The following ITGA1 variants were observed in gnomAD, a reference collection of about 807,000 sequenced individuals.
ITGA1 encodes integrin alpha-1.
In ITGA1, 85 loss-of-function variants were observed where a neutral mutation model predicts 145.9. The ratio of observed to expected loss-of-function variants is 0.58; its 90% CI spans 0.49 to 0.70. The LOEUF is 0.70. Ranked by LOEUF, ITGA1 falls within the 30% of genes least tolerant of loss-of-function variation. The probability of loss-of-function intolerance (pLI) is 0.00; values close to 1 mark genes in which losing one functional copy is unlikely to be tolerated. For missense variants in ITGA1, 1,351 were observed against 1,418.7 expected (o/e 0.95, Z 0.77); for synonymous variants, 520 against 495.3 (o/e 1.05, Z -0.66).
intron 1 of ITGA1, among the ~76,000 whole-genome samples, chr5:52,794,977 T>C (rs908581157): frequency 4.6e-5 from 7 of 152,014 alleles, no homozygotes. Context: ...TACCATTTTC[T>C]TACCTAAGCA....
chr5:52,900,638 C>A (rs1323944479), intron 11 of ITGA1, among the ~76,000 whole-genome samples: 3 of 152,118 alleles, frequency 2.0e-5, no homozygotes, highest in African/African-American at 7.2e-5. Context: ...AGACTTGAAG[C>A]AGTTATGGTA....
chr5:52,887,863 A>T lies in ITGA1; in HGVS notation c.822A>T (p.Lys274Asn). The T allele has an allele frequency of 3.1e-6, 5 of 1,614,098 alleles. No individual in the cohort carries two copies. Among genetic ancestry groups the T allele is most frequent in the Non-Finnish European group, 4.2e-6 (5 of 1,179,932 alleles). ...GGGGTGCCCGAAGAGGAGTTAAAAA[A>T]GTCATGGTTATTGTGACAGATGGAG... The part of the protein sequence containing the change: ...EARGARRGVK[K>N]VMVIVTDGES... Residue 274 changes from lysine to asparagine, a missense_variant, in exon 8 of 29, where the codon AAA (lysine) becomes AAT (asparagine). Transcript: ENST00000282588.
intron 13 of ITGA1, 115 bp downstream of exon 13, chr5:52,909,156 AGGAT>A: frequency 9.0e-7 from 1 of 1,105,612 alleles, no homozygotes; most frequent in South Asian, 1.5e-5. Context: ...AGAAGCTATC[AGGAT>A]TCATTCACTC....
At chr5:52,861,251 A>G (rs1290394359) in intron 2 of ITGA1, among the ~76,000 whole-genome samples, 196 bp from the exon 3 acceptor site, 1 of 151,890 alleles carries the variant, frequency 6.6e-6, no homozygotes, top group African/African-American at 2.4e-5. Context: ...GTGTGTGTGT[A>G]TATATACTTT....
chr5:52,837,112 A>C (rs1260617212), intron 1 of ITGA1, among the ~76,000 whole-genome samples: 1 of 152,182 alleles, frequency 6.6e-6, no homozygotes, highest in Non-Finnish European at 1.5e-5. Flanking sequence ...TCCTCACTTG[A>C]GATCAGAACC....
At chr5:52,804,023 T>G (rs1300615906) in intron 1 of ITGA1, 2 of 152,168 alleles carry the variant, frequency 1.3e-5, no homozygotes, top group Non-Finnish European at 1.5e-5. Flanking sequence ...TAAATAAAAT[T>G]TAACTCATTT....
intron 23 of ITGA1, 60 bp from the exon 24 acceptor site, chr5:52,937,341 A>G: frequency 2.7e-6 from 3 of 1,130,216 alleles, no homozygotes; most frequent in Non-Finnish European, 4.0e-6. Context: ...AGCCCTACAT[A>G]AGACAGAAGA....
intron 1 of ITGA1, among the ~76,000 whole-genome samples, chr5:52,837,375 T>C (rs560636972): frequency 6.6e-6 from 1 of 152,212 alleles, no homozygotes; most frequent in East Asian, 1.9e-4. Flanking sequence ...GAAGGGCAGG[T>C]TGAGAAATAG....
chr5:52,860,974 C>T (rs926913728), intron 2 of ITGA1, among the ~76,000 whole-genome samples: 6 of 152,160 alleles, frequency 3.9e-5, no homozygotes, highest in African/African-American at 7.2e-5. Flanking sequence ...CCTGACTTCT[C>T]TATAAAATTA....
rs1274511645 is a variant in ITGA1, at chr5:52,955,986, C to T, written c.*3535C>T. The T allele has an allele frequency of 2.6e-5, 4 of 151,562 alleles. No individual in the cohort carries two copies. The East Asian group carries it at 7.7e-4, about 29-fold the overall frequency. The allele number at this position is 151,562 out of a possible 1,614,324, so 9.4% of individuals were successfully genotyped here. On this transcript the variant is annotated 3_prime_UTR_variant, in exon 29 of 29. Coordinates refer to ENST00000282588, the MANE Select transcript of ITGA1 (RefSeq NM_181501.2). ...ACATACACTCACATGCAGATATTTA[C>T]ATATATAGATATTCTCTTTTCCTTT... is the stretch of plus-strand genomic sequence containing the variant.
chr5:52,951,895 T>G (rs1375440513), intron 28 of ITGA1, among the ~76,000 whole-genome samples: 1 of 152,168 alleles, frequency 6.6e-6, no homozygotes, highest in African/African-American at 2.4e-5. Flanking sequence ...ATGAAAATAT[T>G]AAAAATGAAA....
At chr5:52,848,192 G>T (rs1253272471) in intron 1 of ITGA1, among the ~76,000 whole-genome samples, 1 of 152,174 alleles carries the variant, frequency 6.6e-6, no homozygotes, top group African/African-American at 2.4e-5. Flanking sequence ...ATTAAGGAAG[G>T]GAAACAGAGC....
chr5:52,903,555 A>G (rs780887517), intron 11 of ITGA1: 2 of 152,226 alleles, frequency 1.3e-5, no homozygotes, highest in Non-Finnish European at 2.9e-5. Context: ...ACTTGTAAGA[A>G]TAAACATACT....
At chr5:52,949,529 C>G (rs1205357294) in intron 28 of ITGA1, among the ~76,000 whole-genome samples, 3 of 152,152 alleles carry the variant, frequency 2.0e-5, no homozygotes, top group African/African-American at 7.2e-5. Context: ...CCCATGATTA[C>G]TAGCTAGTAA....
intron 6 of ITGA1, among the ~76,000 whole-genome samples, chr5:52,874,976 A>G (rs539713310): frequency 1.2e-4 from 19 of 152,318 alleles, no homozygotes; most frequent in African/African-American, 4.3e-4. Flanking sequence ...AGAATAAAAT[A>G]TACCAGGTCT....
intron 11 of ITGA1, chr5:52,901,829 T>C (rs1750318167): frequency 6.6e-6 from 1 of 152,218 alleles, no homozygotes; most frequent in African/African-American, 2.4e-5. Flanking sequence ...AATTTTTGGG[T>C]ATGTTTTCTA....
In ITGA1 at chr5:52,795,678, T is replaced by C. The variant is rs902441934; in HGVS notation, c.61+7264T>C. 2.6e-5 allele frequency among the ~76,000 whole-genome samples: 4 copies of C among 151,930 alleles called. 1 individual carries two copies. The East Asian group carries it at 7.7e-4, about 29-fold the overall frequency. ...CAAGGCTGAATAATTATGATCATGT[T>C]AAAATGAGCTCTTGTCCCTTGTTTT... On this transcript the variant is annotated intron_variant, in intron 1 of 28. Transcript: ENST00000282588.
chr5:52,897,339 G>A (rs1205123921), intron 9 of ITGA1, 116 bp from the exon 10 acceptor site: 2 of 697,374 alleles, frequency 2.9e-6, no homozygotes, highest in South Asian at 1.8e-5. Flanking sequence ...GCCCTAAGAT[G>A]TTTGAAGTTC....
intron 1 of ITGA1, chr5:52,825,092 C>G (rs1195190950): frequency 6.6e-6 from 1 of 152,180 alleles, no homozygotes; most frequent in Non-Finnish European, 1.5e-5. Flanking sequence ...AATTCTGTAT[C>G]TGTTACTCTT....
Sources: allele counts gnomAD v4.1 joint callset (sites outside exome capture counted in the v4.1 genomes callset), GRCh38; gene constraint gnomAD v4.1.1; transcripts MANE v1.5; gene names NCBI Gene and HGNC (gene_info 2026-07-23, HGNC 2026-07-21).